Variants in SLC35B4 observed in about 807,000 individuals in gnomAD.
SLC35B4 encodes solute carrier family 35 member B4, also known as nucleotide sugar transporter SLC35B4.
A neutral mutation model predicts 39.5 loss-of-function variants in SLC35B4; 28 were observed. That is an observed-to-expected ratio of 0.71 (90% CI 0.53 to 0.97). The LOEUF (loss-of-function observed/expected upper bound fraction) is 0.97, where lower values mean the gene tolerates loss of function less well. SLC35B4 is among the 50% of genes least tolerant of loss of function. The pLI is 0.00. For synonymous variants in SLC35B4, 145 were observed against 150.4 expected (o/e 0.96, Z 0.26); for missense variants, 334 against 414.3 (o/e 0.81, Z 1.68).
intron 6 of SLC35B4, among the ~76,000 whole-genome samples, chr7:134,300,954 C>T (rs1388264786): frequency 3.3e-5 from 5 of 152,146 alleles, no homozygotes; most frequent in Admixed American, 6.5e-5. Flanking sequence ...GATTACTAGA[C>T]TAGTGAGGCT....
chr7:134,297,764 A>G (rs2117283033), intron 8 of SLC35B4, among the ~76,000 whole-genome samples: 1 of 152,356 alleles, frequency 6.6e-6, no homozygotes, highest in East Asian at 1.9e-4. Flanking sequence ...GGCCAGGAGT[A>G]GTGGCTCACG....
At chr7:134,305,511 AC>A (rs2117301973) in intron 3 of SLC35B4, among the ~76,000 whole-genome samples, 1 of 152,256 alleles carries the variant, frequency 6.6e-6, no homozygotes, top group Admixed American at 6.5e-5. Flanking sequence ...CGTGGTTTAA[AC>A]CCATGTTGTT....
chr7:134,317,880 A>G (rs953529450), upstream of SLC35B4, among the ~76,000 whole-genome samples: 1 of 152,258 alleles, frequency 6.6e-6, no homozygotes, highest in African/African-American at 2.4e-5. Context: ...AAACGTGTTT[A>G]CACTTCCTTT....
In SLC35B4 at chr7:134,294,768, G is replaced by A. The variant is rs1347323102; in HGVS notation, c.*65C>T. The A allele has an allele frequency of 1.6e-5, 25 of 1,580,774 alleles. No individual in the cohort carries two copies. Among genetic ancestry groups the A allele is most frequent in the Non-Finnish European group, 2.0e-5 (23 of 1,160,098 alleles). ...AGCTCGGCATTAACAAAAGCGAAAC[G>A]GTGGTCAGACCTTCACAGGGTCCCA... is the stretch of plus-strand genomic sequence containing the variant. On this transcript the variant is annotated 3_prime_UTR_variant, in exon 10 of 10. Transcript: ENST00000378509.
At chr7:134,297,639 T>C (rs1803496341) in intron 8 of SLC35B4, among the ~76,000 whole-genome samples, 1 of 152,232 alleles carries the variant, frequency 6.6e-6, no homozygotes, top group Non-Finnish European at 1.5e-5. Flanking sequence ...TACAGCTATG[T>C]AAGAATCTCT....
Position 134,290,074 on chromosome 7 carries a change from AC to A in SLC35B4, c.*4758del, listed in dbSNP as rs1305143027. ...TGGAGATGTAAGGGTGGGGCTGGTC[AC>A]CCCAAGCAGCCTACTTCAAAAACTT... On this transcript the variant is annotated 3_prime_UTR_variant, in exon 10 of 10. Coordinates refer to ENST00000378509, the MANE Select transcript of SLC35B4 (RefSeq NM_032826.5). The A allele has an allele frequency of 5.9e-5, 9 of 152,182 alleles. No homozygotes were observed. The highest frequency in any genetic ancestry group is 1.9e-4 in the African/African-American group (8 of 41,448). The allele number at this position is 152,182 out of a possible 1,614,324, so 9.4% of individuals were successfully genotyped here. A position where few individuals can be genotyped will look rare whatever the true frequency, so the allele number is the denominator to read the frequency against.
intron 1 of SLC35B4, among the ~76,000 whole-genome samples, chr7:134,315,136 T>G (rs2117325289): frequency 6.6e-6 from 1 of 152,296 alleles, no homozygotes; most frequent in Middle Eastern, 3.4e-3. Context: ...GACCAAAATC[T>G]ATGGGCTGCT....
At chr7:134,305,638 T>C (rs10954439) in intron 3 of SLC35B4, among the ~76,000 whole-genome samples, 137,281 of 152,110 alleles carry the variant, frequency 0.9, 63,140 homozygotes, top group Non-Finnish European at 0.99. Flanking sequence ...TTTTAATAAG[T>C]TTCTCCCCAT....
chr7:134,316,534 TG>T (rs1056220954), intron 1 of SLC35B4, 140 bp downstream of exon 1: 6 of 802,534 alleles, frequency 7.5e-6, no homozygotes, highest in Admixed American at 5.2e-5. Context: ...GACGGATTGC[TG>T]GGGGGCTCAG....
At chr7:134,306,819 C>G (rs1300377416) in intron 2 of SLC35B4, 45 bp from the exon 3 acceptor site, 2 of 1,476,948 alleles carry the variant, frequency 1.4e-6, no homozygotes, top group Admixed American at 1.9e-5. Flanking sequence ...TCTAGGATTT[C>G]AAGAAAATCA....
intron 1 of SLC35B4, among the ~76,000 whole-genome samples, chr7:134,313,128 T>A (rs1803884110): frequency 6.6e-6 from 1 of 152,224 alleles, no homozygotes; most frequent in Non-Finnish European, 1.5e-5. Flanking sequence ...ACCAATGGAA[T>A]TATTTATTTT....
At chr7:134,302,171 G>T in intron 4 of SLC35B4, 61 bp from the exon 5 acceptor site, 1 of 1,387,310 alleles carries the variant, frequency 7.2e-7, no homozygotes, top group Non-Finnish European at 1.0e-6. Flanking sequence ...GAATTTCCCA[G>T]TGATATTTAC....
Position 134,296,467 on chromosome 7 carries a change from CTG to C in SLC35B4, c.674-3_674-2del. On this transcript the variant is annotated splice_acceptor_variant and splice_polypyrimidine_tract_variant and intron_variant, in intron 8 of 9. Coordinates refer to ENST00000378509, the MANE Select transcript of SLC35B4 (RefSeq NM_032826.5). LOFTEE classifies it high-confidence loss of function. Reference sequence around the variant, plus strand: ...CCGATGACGGGAATTTCATATAACTCTGTAGAGGTTACAAGAGGATATAGCCA... The same window carrying C: ...CCGATGACGGGAATTTCATATAACTCTAGAGGTTACAAGAGGATATAGCCA... 6.2e-7 allele frequency: 1 copy of C among 1,612,258 alleles called. No individual in the cohort carries two copies. The highest frequency in any genetic ancestry group is 8.5e-7 in the Non-Finnish European group (1 of 1,178,596).
chr7:134,313,180 G>C (rs78520927), intron 1 of SLC35B4, among the ~76,000 whole-genome samples: 2 of 152,088 alleles, frequency 1.3e-5, no homozygotes, highest in Non-Finnish European at 2.9e-5. Flanking sequence ...TAAAAACTTG[G>C]ATCCCTTAAT....
chr7:134,318,365 G>C (rs546316925), upstream of SLC35B4, among the ~76,000 whole-genome samples: 2 of 151,160 alleles, frequency 1.3e-5, no homozygotes, highest in African/African-American at 4.9e-5. Flanking sequence ...AGTATTTAAT[G>C]AGCACCCGTC....
At chr7:134,317,799 T>C (rs1804025102), upstream of SLC35B4, among the ~76,000 whole-genome samples, 1 of 148,668 alleles carries the variant, frequency 6.7e-6, no homozygotes, top group Admixed American at 6.6e-5. Context: ...CATAAGCTAG[T>C]GCGGCACTAT....
rs559035266 is a variant in SLC35B4 at position 134,292,548 on chromosome 7, A to G, written c.*2285T>C. On this transcript the variant is annotated 3_prime_UTR_variant, in exon 10 of 10. Transcript: ENST00000378509. ...GTCTGTGAACATCAACACATACCCAATGAAGAAAACTTGTAATGTTTTCAT... is the reference window on the plus strand; with the variant it reads ...GTCTGTGAACATCAACACATACCCAGTGAAGAAAACTTGTAATGTTTTCAT... 3.9e-5 allele frequency: 6 copies of G among 152,298 alleles called. No homozygotes were observed. The highest frequency in any genetic ancestry group is 1.4e-4 in the African/African-American group (6 of 41,546). 9.4% of individuals were successfully genotyped at this position (152,298 alleles called of 1,614,324 possible). A position where few individuals can be genotyped will look rare whatever the true frequency, so the allele number is the denominator to read the frequency against.
Position 134,306,733 on chromosome 7 carries a change from A to G in SLC35B4, c.233T>C (p.Val78Ala). The G allele has an allele frequency of 6.2e-7, 1 of 1,614,062 alleles. No individual in the cohort carries two copies. The highest frequency in any genetic ancestry group is 2.2e-5 in the East Asian group (1 of 44,874). ...IMVTMFFTVSVVNNYALNLNI... is the reference protein window; with the variant it reads ...IMVTMFFTVSAVNNYALNLNI... ...GAGATTCAGGGCATAGTTGTTCACC[A>G]CGCTCACGGTGAAGAACATGGTCAC... The change falls in exon 3 of 10, where the codon GTG becomes GCG. Residue 78 changes from valine to alanine, a missense_variant. Coordinates refer to ENST00000378509, the MANE Select transcript of SLC35B4 (RefSeq NM_032826.5).
chr7:134,299,050 A>C (rs976980170), intron 8 of SLC35B4, among the ~76,000 whole-genome samples: 1 of 152,216 alleles, frequency 6.6e-6, no homozygotes, highest in African/African-American at 2.4e-5. Context: ...TGCCTGTCTC[A>C]TCTGTAACTA....
Sources: gnomAD v4.1 joint callset for allele counts (sites outside exome capture counted in the v4.1 genomes callset) on GRCh38, gnomAD v4.1.1 for gene constraint, MANE v1.5 for transcripts, NCBI Gene and HGNC (gene_info 2026-07-23, HGNC 2026-07-21) for gene names.